The following SLC37A3 variants were observed in gnomAD, a reference collection of about 807,000 sequenced individuals.
SLC37A3 encodes the protein sugar phosphate exchanger 3.
In SLC37A3, 51 loss-of-function variants were observed where a neutral mutation model predicts 67.1. That is an observed-to-expected ratio of 0.76 (90% CI 0.61 to 0.96). SLC37A3 has a LOEUF of 0.96. Ranked by LOEUF, SLC37A3 falls within the 40% of genes least tolerant of loss-of-function variation. The pLI, the probability that SLC37A3 is intolerant of heterozygous loss-of-function variation, is 0.00. For synonymous variants in SLC37A3, 214 were observed against 231.4 expected, an observed-to-expected ratio of 0.92 and a Z score of 0.68; for missense variants, 508 against 603.0, an observed-to-expected ratio of 0.84 and a Z score of 1.65.
chr7:140,390,601 T>C (rs1391876182), intron 1 of SLC37A3, among the ~76,000 whole-genome samples: 1 of 151,988 alleles, frequency 6.6e-6, no homozygotes, highest in African/African-American at 2.4e-5. Context: ...CAGGGACTGA[T>C]CTCCCTCGCA....
intron 1 of SLC37A3, among the ~76,000 whole-genome samples, chr7:140,392,825 C>A (rs1365989541): frequency 6.6e-6 from 1 of 152,156 alleles, no homozygotes; most frequent in Non-Finnish European, 1.5e-5. Context: ...GGTGCAGTGG[C>A]TCACACCTGT....
chr7:140,359,636 CA>C (rs1797185214), intron 5 of SLC37A3, among the ~76,000 whole-genome samples: 1 of 152,152 alleles, frequency 6.6e-6, no homozygotes, highest in South Asian at 2.1e-4. Context: ...TGCTTTTTTC[CA>C]GGCATTTTGC....
At chr7:140,371,310 A>G (rs1255439924) in intron 3 of SLC37A3, among the ~76,000 whole-genome samples, 1 of 152,058 alleles carries the variant, frequency 6.6e-6, no homozygotes, top group East Asian at 1.9e-4. Context: ...CTCAGCTGGG[A>G]TTACAGGCAC....
intron 1 of SLC37A3, among the ~76,000 whole-genome samples, chr7:140,390,269 C>A (rs1358317596): frequency 6.6e-6 from 1 of 152,128 alleles, no homozygotes; most frequent in Non-Finnish European, 1.5e-5. Flanking sequence ...ACCCCACCCC[C>A]AGCCCTTTTG....
rs1796045765 is a variant in SLC37A3 at position 140,334,126 on chromosome 7, T to C, written c.*1286A>G. 1 of 152,234 alleles carries C rather than the reference T, an allele frequency of 6.6e-6. No homozygotes were observed. The highest frequency in any genetic ancestry group is 2.4e-5 in the African/African-American group (1 of 41,464). The allele number at this position is 152,234 out of a possible 1,614,324, so 9.4% of individuals were successfully genotyped here. On this transcript the variant is annotated 3_prime_UTR_variant, in exon 15 of 15. Coordinates refer to ENST00000326232, the MANE Select transcript of SLC37A3 (RefSeq NM_207113.3). ...AATCCATTCATGTGATTCAATGTCA[T>C]GTACAGACAGTCCTCAGCTTCTGAT... is the stretch of plus-strand genomic sequence containing the variant.
chr7:140,363,311 A>T (rs1426793711), intron 5 of SLC37A3, among the ~76,000 whole-genome samples: 6 of 88,582 alleles, frequency 6.8e-5, no homozygotes, highest in African/African-American at 2.5e-4. Flanking sequence ...GTGTGGATAG[A>T]AGTAGACATG....
chr7:140,363,759 A>G (rs1383944493), intron 5 of SLC37A3, among the ~76,000 whole-genome samples: 1 of 105,234 alleles, frequency 9.5e-6, no homozygotes, highest in Non-Finnish European at 2.1e-5. Flanking sequence ...AAAAAAAAAA[A>G]AAAAAAGAAA....
At chr7:140,387,670 A>T in intron 1 of SLC37A3, among the ~76,000 whole-genome samples, 1 of 114,862 alleles carries the variant, frequency 8.7e-6, no homozygotes, top group African/African-American at 3.4e-5. Flanking sequence ...ATATAAATAT[A>T]TTATATATAA....
intron 9 of SLC37A3, among the ~76,000 whole-genome samples, chr7:140,349,124 G>A (rs1796694269): frequency 6.6e-6 from 1 of 152,214 alleles, no homozygotes; most frequent in South Asian, 2.1e-4. Flanking sequence ...CACACAAAGA[G>A]GAATGGTATT....
intron 1 of SLC37A3, among the ~76,000 whole-genome samples, chr7:140,385,540 T>C (rs779120548): frequency 2.0e-5 from 3 of 152,184 alleles, no homozygotes; most frequent in Non-Finnish European, 4.4e-5. Context: ...AATTCAATGA[T>C]GTATCATGTA....
intron 7 of SLC37A3, among the ~76,000 whole-genome samples, chr7:140,354,746 T>G (rs1008573949): frequency 3.3e-5 from 5 of 150,580 alleles, no homozygotes; most frequent in Non-Finnish European, 5.9e-5. Context: ...TGGTGTTTTT[T>G]TTTTTTTTTT....
intron 13 of SLC37A3, among the ~76,000 whole-genome samples, chr7:140,342,260 C>T (rs1796388210): frequency 6.6e-6 from 1 of 152,162 alleles, no homozygotes; most frequent in South Asian, 2.1e-4. Flanking sequence ...CAGACATCAG[C>T]AATTCACCCC....
chr7:140,346,016 C>CGCT, intron 10 of SLC37A3, 46 bp from the exon 11 acceptor site: 1 of 1,424,334 alleles, frequency 7.0e-7, no homozygotes, highest in Non-Finnish European at 9.9e-7. Flanking sequence ...TAATTTAGCT[C>CGCT]GCTCACCTGA....
chr7:140,340,436 TTGGCC>T (rs936728889), intron 13 of SLC37A3, among the ~76,000 whole-genome samples: 2 of 152,078 alleles, frequency 1.3e-5, no homozygotes, highest in Non-Finnish European at 2.9e-5. Context: ...AAAAATCAAT[TTGGCC>T]GCAGACACAA....
chr7:140,396,338 T>TA (rs879278884), intron 1 of SLC37A3, among the ~76,000 whole-genome samples: 1 of 152,194 alleles, frequency 6.6e-6, no homozygotes, highest in Non-Finnish European at 1.5e-5. Flanking sequence ...GTATCTTTTT[T>TA]ATCCCACATT....
At chr7:140,339,791 C>T (rs1165186692) in intron 13 of SLC37A3, among the ~76,000 whole-genome samples, 4 of 151,350 alleles carry the variant, frequency 2.6e-5, no homozygotes, top group African/African-American at 9.7e-5. Context: ...GGCTGGAGTG[C>T]AGTGGCACAA....
At chr7:140,384,830 T>G (rs943487323) in intron 1 of SLC37A3, among the ~76,000 whole-genome samples, 4 of 152,184 alleles carry the variant, frequency 2.6e-5, no homozygotes, top group Non-Finnish European at 5.9e-5. Context: ...AGGGAACACA[T>G]TCAAGAGCTC....
chr7:140,342,791 G>A lies in SLC37A3; in HGVS notation c.1326+621C>T, dbSNP rs79313425. On this transcript the variant is annotated intron_variant, in intron 13 of 14. Transcript: ENST00000326232. ...ACCAAGAAGCCTTGTTGAAAATACA[G>A]ATCTGTAGGTTCGAACTCAGCAAGT... 3.6e-3 allele frequency among the ~76,000 whole-genome samples: 548 copies of A among 152,286 alleles called. 5 individuals are homozygous for A. The highest frequency in any genetic ancestry group is 0.013 in the African/African-American group (525 of 41,568).
chr7:140,344,300 C>A (rs549098209), intron 12 of SLC37A3, among the ~76,000 whole-genome samples: 1 of 151,302 alleles, frequency 6.6e-6, no homozygotes, highest in Non-Finnish European at 1.5e-5. Context: ...TGGTAGCAGG[C>A]GCCTGTAATC....
Sources: allele counts gnomAD v4.1 joint callset (sites outside exome capture counted in the v4.1 genomes callset), GRCh38; gene constraint gnomAD v4.1.1; transcripts MANE v1.5; gene names NCBI Gene and HGNC (gene_info 2026-07-23, HGNC 2026-07-21).